The following MYH1 variants were observed in gnomAD, a reference collection of about 807,000 sequenced individuals.
MYH1 encodes myosin heavy chain 1.
A neutral mutation model predicts 225.6 loss-of-function variants in MYH1; 214 were observed. The ratio of observed to expected loss-of-function variants is 0.95; its 90% confidence interval spans 0.85 to 1.06. MYH1 has a LOEUF of 1.06. MYH1 is among the 50% of genes least tolerant of loss of function. The probability of loss-of-function intolerance (pLI) is 0.00; values close to 1 mark genes in which losing one functional copy is unlikely to be tolerated. For synonymous variants in MYH1, 774 were observed against 842.3 expected (o/e 0.92, Z 1.40); for missense variants, 2,098 against 2,344.2 (o/e 0.89, Z 2.17).
rs776328776 is a variant in MYH1, at chr17:10,516,459, C to T, written c.184G>A (p.Ala62Thr). 1.2e-6 allele frequency: 2 copies of T among 1,614,208 alleles called. No individual in the cohort carries two copies. The highest frequency in any genetic ancestry group is 1.6e-4 in the Middle Eastern group (1 of 6,062). The change falls in exon 3 of 40, where the codon GCT becomes ACT. Residue 62 changes from alanine to threonine, a missense_variant. By Grantham distance (58) the Ala-to-Thr change is moderately conservative. Transcript: ENST00000226207. The part of the protein sequence containing the change: ...VQSREGGKVT[A>T]KTEAGATVTV... Reference sequence around the variant, plus strand: ...CTCACAGCTCCAGCTTCGGTCTTAGCTGTCACCTTCCCCCCTTCCCTGCTC... The same window carrying T: ...CTCACAGCTCCAGCTTCGGTCTTAGTTGTCACCTTCCCCCCTTCCCTGCTC...
chr17:10,504,998 T>G lies in MYH1; in HGVS notation c.2503A>C (p.Lys835Gln), dbSNP rs576225320. Residue 835 changes from lysine to glutamine, a missense_variant, in exon 22 of 40, where the codon AAG becomes CAG. Transcript: ENST00000226207. The part of the protein sequence containing the change: ...FMNVKHWPWM[K>Q]LYFKIKPLLK... ...AGGGGTTTGATCTTGAAATACAGCT[T>G]CATCCAGGGCCAGTGCTTCACATTC... 14 of 1,614,066 alleles carry G rather than the reference T, an allele frequency of 8.7e-6. No homozygotes were observed. The African/African-American group carries it at 1.3e-4, about 15-fold the overall frequency.
In MYH1 at chr17:10,508,640, C is replaced by G. The variant is rs147545214; in HGVS notation, c.1620G>C (p.Glu540Asp). 159 of 1,614,172 alleles carry G rather than the reference C, an allele frequency of 9.9e-5. No homozygotes were observed. The African/African-American group carries it at 1.9e-3, about 20-fold the overall frequency. The change falls in exon 16 of 40, where the codon GAG (glutamate) becomes GAC (aspartate). Residue 540 changes from glutamate to aspartate, a missense_variant. Glu to Asp is a conservative substitution (Grantham distance 45). Coordinates refer to ENST00000226207, the MANE Select transcript of MYH1 (RefSeq NM_005963.4). ...PMGIFSILEE[E>D]CMFPKATDTS... ...TGTCTGTCGCCTTGGGGAACATGCA[C>G]TCCTCTTCCAGGATGGAGAAGATGC...
intron 16 of MYH1, 89 bp downstream of exon 16, chr17:10,508,274 C>A: frequency 1.4e-6 from 2 of 1,434,660 alleles, no homozygotes; most frequent in Non-Finnish European, 1.9e-6. Flanking sequence ...CCACCTTGGC[C>A]TCCCAAAATG....
chr17:10,512,167 T>G lies in MYH1; in HGVS notation c.1173A>C (p.Gln391His), dbSNP rs1406576674. The G allele has an allele frequency of 1.2e-6, 2 of 1,614,036 alleles. No homozygotes were observed. Among genetic ancestry groups the G allele is most frequent in the African/African-American group, 2.7e-5 (2 of 74,902 alleles). ...TEVADKAAYL[Q>H]NLNSADLLKA... ...TGAGCAGATCTGCAGAGTTCAGATT[T>G]TGGAGATAGGCTGCCTTGTCAGCAA... The change falls in exon 13 of 40, where the codon CAA becomes CAC. Residue 391 changes from glutamine (Q) to histidine (H), a missense_variant. By Grantham distance (24) the Gln-to-His change is conservative. Transcript: ENST00000226207.
chr17:10,496,202 A>AC, intron 34 of MYH1, 39 bp downstream of exon 34: 1 of 1,614,080 alleles, frequency 6.2e-7, no homozygotes, highest in Non-Finnish European at 8.5e-7. Flanking sequence ...GGTTGCAGGC[A>AC]CCCCAATTGT....
rs2073150280 is a variant in MYH1, at chr17:10,509,482, A to C, written c.1587+3T>G. The C allele has an allele frequency of 6.2e-7, 1 of 1,614,042 alleles. No individual in the cohort carries two copies. Among genetic ancestry groups the C allele is most frequent in the Non-Finnish European group, 8.5e-7 (1 of 1,180,034 alleles). On this transcript the variant is annotated splice_donor_region_variant and intron_variant, in intron 15 of 39. Transcript: ENST00000226207. The stretch of plus-strand genomic sequence containing the variant: ...ATCTGTGGTCTGCAAAAAGCAAGCC[A>C]ACCTTCTCGATGAGCTCGATGCAGG...
At chr17:10,509,879 A>T (rs2142274127) in intron 14 of MYH1, among the ~76,000 whole-genome samples, 1 of 152,196 alleles carries the variant, frequency 6.6e-6, no homozygotes, top group East Asian at 1.9e-4. Flanking sequence ...CAATAAAAAA[A>T]AGTTGTTTGG....
Position 10,508,514 on chromosome 17 carries a change from CA to C in MYH1, c.1745del (p.Leu582Ter), listed in dbSNP as rs1366975075. 2.5e-6 allele frequency: 4 copies of C among 1,614,002 alleles called. No individual in the cohort carries two copies. The highest frequency in any genetic ancestry group is 3.4e-6 in the Non-Finnish European group (4 of 1,180,038). On this transcript the variant is annotated frameshift_variant, in exon 16 of 40. Transcript: ENST00000226207. LOFTEE classifies it high-confidence loss of function. ...AGTCCACGGTGCCAGCATAGTGAAT[CA>C]AAGAGAAGTGGGCCTCAGGCTTGCC... ...AKGKPEAHFS[L>X]IHYAGTVDYN...
chr17:10,507,898 A>G lies in MYH1; in HGVS notation c.1956T>C (p.Ser652=). The change falls in exon 17 of 40, where the codon TCT becomes TCC. Residue 652 remains serine (S), a synonymous_variant. Transcript: ENST00000226207. ...KKKGSSFQTV[S]ALFRENLNKL... is the part of the protein sequence containing the mutation. ...ATGAAGTTTGTACCCTGAAGAGAGC[A>G]GACACAGTCTGGAAAGAAGAACCCT... 1 of 1,613,418 alleles carries G rather than the reference A, an allele frequency of 6.2e-7. No homozygotes were observed. Among genetic ancestry groups the G allele is most frequent in the Non-Finnish European group, 8.5e-7 (1 of 1,179,366 alleles).
Position 10,494,668 on chromosome 17 carries a change from A to C in MYH1, c.5472T>G (p.Arg1824=). 6.2e-7 allele frequency: 1 copy of C among 1,613,934 alleles called. No individual in the cohort carries two copies. The highest frequency in any genetic ancestry group is 2.2e-5 in the East Asian group (1 of 44,874). Residue 1824 remains arginine (R), a synonymous_variant, in exon 38 of 40, where the codon CGT becomes CGG. Transcript: ENST00000226207. ...KQIQKLEARV[R]ELEGEVESEQ... ...CACTTTCAACTTCACCTTCAAGTTC[A>C]CGAACCTACAAGAAGATGGACATTT...
chr17:10,492,667 C>G, intron 39 of MYH1, 99 bp from the exon 40 acceptor site: 1 of 1,300,262 alleles, frequency 7.7e-7, no homozygotes, highest in South Asian at 1.6e-5. Flanking sequence ...AAATGATTCA[C>G]TCTAGCAGAT....
chr17:10,508,744 A>G (rs2073142297), intron 15 of MYH1, 72 bp from the exon 16 acceptor site: 3 of 1,545,384 alleles, frequency 1.9e-6, no homozygotes, highest in South Asian at 2.5e-5. Context: ...AACATTAATA[A>G]TTATCCCATC....
At chr17:10,511,183 C>T (rs925430988) in intron 14 of MYH1, among the ~76,000 whole-genome samples, 1 of 151,386 alleles carries the variant, frequency 6.6e-6, no homozygotes, top group Admixed American at 6.6e-5. Context: ...GAGACACATC[C>T]GAGATACTGC....
Position 10,501,445 on chromosome 17 carries a change from TG to T in MYH1, c.3402del (p.Ala1136GlnfsTer32). 4.3e-6 allele frequency: 7 copies of T among 1,614,244 alleles called. No homozygotes were observed. The highest frequency in any genetic ancestry group is 5.9e-6 in the Non-Finnish European group (7 of 1,180,046). On this transcript the variant is annotated frameshift_variant, in exon 27 of 40. Transcript: ENST00000226207. LOFTEE classifies it high-confidence loss of function. ...EEIEAERASR[A>X]KAEKQRSDLS... is the part of the protein sequence containing the mutation. ...AGATCAGAGCGCTGCTTCTCTGCTT[TG>T]GCCCGGGAGGCCCGCTCTGCCTCGA...
Position 10,501,110 on chromosome 17 carries a change from C to T in MYH1, c.3738G>A (p.Lys1246=), listed in dbSNP as rs754756462. 1.2e-6 allele frequency: 2 copies of T among 1,613,490 alleles called. No individual in the cohort carries two copies. The highest frequency in any genetic ancestry group is 1.1e-5 in the South Asian group (1 of 91,060). Residue 1246 remains lysine, a splice_region_variant and synonymous_variant, in exon 27 of 40, where the codon AAG becomes AAA. Coordinates refer to ENST00000226207, the MANE Select transcript of MYH1 (RefSeq NM_005963.4). ...ASNMETVSKA[K]GNLEKMCRAL... ...AATCAATGTGAAGTGTTGATTGTAC[C>T]TTGGCTTTGGAGACAGTCTCCATGT...
At chr17:10,500,233 A>G (rs1442945850) in intron 28 of MYH1, among the ~76,000 whole-genome samples, 1 of 152,166 alleles carries the variant, frequency 6.6e-6, no homozygotes, top group Non-Finnish European at 1.5e-5. Context: ...TTGCGAAAGC[A>G]TTTTGAAAAG....
Position 10,512,705 on chromosome 17 carries a change from G to A in MYH1, c.984C>T (p.Asp328=), listed in dbSNP as rs2073184358. The change falls in exon 11 of 40, where the codon GAC becomes GAT. Residue 328 remains aspartate (D), a synonymous_variant. Transcript: ENST00000226207. The stretch of plus-strand genomic sequence containing the variant: ...CATCTGTAGCCATCAACTCTTCTTG[G>A]TCATCAATGCTGGGCACTGTGATCT... ...QGEITVPSID[D]QEELMATDSA... is the part of the protein sequence containing the mutation. 6.2e-7 allele frequency: 1 copy of A among 1,614,022 alleles called. No homozygotes were observed. Among genetic ancestry groups the A allele is most frequent in the African/African-American group, 1.3e-5 (1 of 74,996 alleles).
intron 28 of MYH1, among the ~76,000 whole-genome samples, chr17:10,500,398 A>G (rs2073039324): frequency 6.6e-6 from 1 of 150,722 alleles, no homozygotes; most frequent in Non-Finnish European, 1.5e-5. Context: ...GGATATATAT[A>G]CAAATATATA....
At position 10,496,325 on chromosome 17, in the gene MYH1, A is replaced by G. The variant is rs372080835; in HGVS notation, c.4881T>C (p.Asn1627=). The G allele has an allele frequency of 6.8e-6, 11 of 1,613,842 alleles. No individual in the cohort carries two copies. Among genetic ancestry groups the G allele is most frequent in the Non-Finnish European group, 9.3e-6 (11 of 1,180,012 alleles). ...RLKKKMEGDL[N]EMEIQLNHAN... is the part of the protein sequence containing the mutation. The stretch of plus-strand genomic sequence containing the variant: ...CATGGTTCAGCTGGATTTCCATTTC[A>G]TTGAGGTCTCCCTCCATCTTCTTCT... The change falls in exon 34 of 40, where the codon AAT becomes AAC. Residue 1627 remains asparagine (N), a synonymous_variant. Transcript: ENST00000226207.
Sources: gnomAD v4.1 joint callset for allele counts (sites outside exome capture counted in the v4.1 genomes callset) on GRCh38, gnomAD v4.1.1 for gene constraint, MANE v1.5 for transcripts, NCBI Gene and HGNC (gene_info 2026-07-23, HGNC 2026-07-21) for gene names.